The following PTPRD variants were observed in gnomAD, a reference collection of about 807,000 sequenced individuals.
PTPRD encodes the protein receptor-type tyrosine-protein phosphatase delta.
A neutral mutation model predicts 214.5 loss-of-function variants in PTPRD; 34 were observed. The observed-to-expected ratio is 0.16, with a 90% confidence interval of 0.12 to 0.21. The LOEUF is 0.21. PTPRD is among the 10% of genes least tolerant of loss of function. The pLI is 1.00. For synonymous variants in PTPRD, 1,128 were observed against 845.7 expected, an observed-to-expected ratio of 1.33 and a Z score of -5.79; for missense variants, 2,545 against 2,398.7, an observed-to-expected ratio of 1.06 and a Z score of -1.27.
intron 11 of PTPRD, among the ~76,000 whole-genome samples, chr9:8,839,710 A>G (rs371228154): frequency 2.6e-5 from 4 of 152,368 alleles, no homozygotes; most frequent in East Asian, 3.9e-4. Context: ...GAAATAATGC[A>G]AAATATAGAA....
At chr9:9,446,740 G>A (rs146138114) in intron 8 of PTPRD, among the ~76,000 whole-genome samples, 1 of 152,066 alleles carries the variant, frequency 6.6e-6, no homozygotes, top group Non-Finnish European at 1.5e-5. Context: ...CTACATAATA[G>A]AAGTGAATGT....
intron 3 of PTPRD, among the ~76,000 whole-genome samples, chr9:10,099,260 A>T (rs1197899111): frequency 6.6e-6 from 1 of 151,700 alleles, no homozygotes; most frequent in Non-Finnish European, 1.5e-5. Flanking sequence ...GCAGTGTGTG[A>T]CCTTCAGCAA....
chr9:9,492,798 G>A (rs1436930445), intron 8 of PTPRD, among the ~76,000 whole-genome samples: 1 of 150,458 alleles, frequency 6.6e-6, no homozygotes, highest in African/African-American at 2.5e-5. Flanking sequence ...CCAAAAGCAC[G>A]TGCTCACTTT....
At chr9:9,460,038 C>A (rs950307307) in intron 8 of PTPRD, among the ~76,000 whole-genome samples, 17 of 151,984 alleles carry the variant, frequency 1.1e-4, no homozygotes, top group Non-Finnish European at 8.8e-5. Flanking sequence ...AGAAATACAG[C>A]CACATACCTA....
intron 3 of PTPRD, among the ~76,000 whole-genome samples, chr9:10,146,235 C>T (rs2099021915): frequency 6.6e-6 from 1 of 151,088 alleles, no homozygotes; most frequent in African/African-American, 2.4e-5. Flanking sequence ...ATCCATCCAT[C>T]CATCCATGCA....
chr9:8,833,649 A>G (rs1216823943), intron 11 of PTPRD, among the ~76,000 whole-genome samples: 1 of 150,354 alleles, frequency 6.7e-6, no homozygotes, highest in African/African-American at 2.5e-5. Context: ...AATAACAGGC[A>G]CCATTCACAA....
intron 3 of PTPRD, among the ~76,000 whole-genome samples, chr9:10,120,781 G>A (rs1400711717): frequency 1.3e-5 from 2 of 152,008 alleles, no homozygotes; most frequent in African/African-American, 4.8e-5. Flanking sequence ...CATGAAAGCA[G>A]AGAGCTTTCT....
intron 2 of PTPRD, among the ~76,000 whole-genome samples, chr9:10,577,840 A>C (rs1359569765): frequency 1.3e-5 from 2 of 152,274 alleles, no homozygotes; most frequent in East Asian, 3.9e-4. Context: ...TTTACATTAT[A>C]GTAATAGTTC....
At chr9:10,079,869 T>A (rs2098204851) in intron 3 of PTPRD, among the ~76,000 whole-genome samples, 1 of 152,038 alleles carries the variant, frequency 6.6e-6, no homozygotes, top group Non-Finnish European at 1.5e-5. Flanking sequence ...AGATGTTTGC[T>A]ATGAATAATT....
At chr9:9,868,480 T>C (rs539712936) in intron 5 of PTPRD, among the ~76,000 whole-genome samples, 21 of 152,106 alleles carry the variant, frequency 1.4e-4, no homozygotes, top group African/African-American at 4.3e-4. Context: ...TTTAAAGACA[T>C]TGTAGTCAAG....
At chr9:10,345,786 G>A (rs1420516139) in intron 2 of PTPRD, among the ~76,000 whole-genome samples, 2 of 152,164 alleles carry the variant, frequency 1.3e-5, no homozygotes, top group East Asian at 3.9e-4. Context: ...TCCCAGTAAT[G>A]GGATTGCTGA....
chr9:9,180,556 C>T (rs1265823809), intron 10 of PTPRD, among the ~76,000 whole-genome samples: 1 of 151,740 alleles, frequency 6.6e-6, no homozygotes, highest in East Asian at 1.9e-4. Context: ...ATGTAACAAA[C>T]CTGCACGTTG....
intron 3 of PTPRD, among the ~76,000 whole-genome samples, chr9:10,075,861 C>A (rs1379060848): frequency 6.6e-6 from 1 of 152,084 alleles, no homozygotes; most frequent in Non-Finnish European, 1.5e-5. Flanking sequence ...TCCAAGATAT[C>A]TGCTTCATCT....
At chr9:9,721,539 C>T (rs1190525936) in intron 7 of PTPRD, among the ~76,000 whole-genome samples, 3 of 152,036 alleles carry the variant, frequency 2.0e-5, no homozygotes, top group Non-Finnish European at 4.4e-5. Flanking sequence ...TACTTTAATT[C>T]CTTAGACATG....
intron 9 of PTPRD, among the ~76,000 whole-genome samples, chr9:9,354,966 A>C (rs898009229): frequency 2.6e-5 from 4 of 151,836 alleles, no homozygotes; most frequent in Admixed American, 6.6e-5. Flanking sequence ...GAGTGTGGAC[A>C]AAAAAGAAAA....
intron 5 of PTPRD, among the ~76,000 whole-genome samples, chr9:9,903,187 C>T (rs2076798578): frequency 6.6e-6 from 1 of 152,068 alleles, no homozygotes; most frequent in Non-Finnish European, 1.5e-5. Context: ...TCTTGCATAG[C>T]AGAAAGATTG....
Position 8,733,432 on chromosome 9 carries a change from T to A in PTPRD, c.64+348A>T, listed in dbSNP as rs139637976. Among the ~76,000 whole-genome samples, 284 of 152,318 alleles carry A rather than the reference T, an allele frequency of 1.9e-3. 2 individuals carry two copies. Among genetic ancestry groups the A allele is most frequent in the African/African-American group, 6.6e-3 (273 of 41,574 alleles). On this transcript the variant is annotated intron_variant, in intron 12 of 45. Transcript: ENST00000381196. ...AAAATAAAGAAATTTTGAGTGGGTC[T>A]GAACAATGTTTACTTATTGGCACCA...
chr9:8,798,439 C>T (rs1457277233), intron 11 of PTPRD, among the ~76,000 whole-genome samples: 1 of 152,086 alleles, frequency 6.6e-6, no homozygotes, highest in Non-Finnish European at 1.5e-5. Flanking sequence ...GGTTTGCTGG[C>T]CTAAGCACAA....
At chr9:9,918,717 A>G (rs1456818666) in intron 5 of PTPRD, among the ~76,000 whole-genome samples, 1 of 152,136 alleles carries the variant, frequency 6.6e-6, no homozygotes, top group Admixed American at 6.6e-5. Context: ...AGAGACCAAT[A>G]GAACCAATAG....
Sources: gnomAD v4.1 joint callset for allele counts (sites outside exome capture counted in the v4.1 genomes callset) on GRCh38, gnomAD v4.1.1 for gene constraint, MANE v1.5 for transcripts, NCBI Gene and HGNC (gene_info 2026-07-23, HGNC 2026-07-21) for gene names.